The following ZFAT variants were observed in gnomAD, a reference collection of about 807,000 sequenced individuals.
ZFAT encodes zinc finger protein ZFAT.
In ZFAT, 64 loss-of-function variants were observed where a neutral mutation model predicts 117.7. That is an observed-to-expected ratio of 0.54 (90% CI 0.44 to 0.67). The LOEUF is 0.67. Ranked by LOEUF, ZFAT falls within the 30% of genes least tolerant of loss-of-function variation. The pLI is 0.00. For missense variants in ZFAT, 1,433 were observed against 1,584.5 expected (o/e 0.90, Z 1.62); for synonymous variants, 679 against 615.0 (o/e 1.10, Z -1.54).
chr8:134,514,556 G>A (rs1346535460), intron 13 of ZFAT, among the ~76,000 whole-genome samples: 1 of 152,132 alleles, frequency 6.6e-6, no homozygotes. Flanking sequence ...TTCTCTCAGT[G>A]CTTCTGAGCT....
intron 1 of ZFAT, among the ~76,000 whole-genome samples, chr8:134,669,893 A>C (rs1341637408): frequency 6.6e-6 from 1 of 152,220 alleles, no homozygotes; most frequent in Non-Finnish European, 1.5e-5. Context: ...GCTCAAAATA[A>C]AGGGATGGAG....
intron 11 of ZFAT, among the ~76,000 whole-genome samples, chr8:134,563,337 TG>T (rs1203216153): frequency 6.6e-6 from 1 of 152,198 alleles, no homozygotes; most frequent in Admixed American, 6.5e-5. Flanking sequence ...ACTGAGAACA[TG>T]TAGTGAGAAA....
At chr8:134,503,435 A>T (rs535247479) in intron 15 of ZFAT, among the ~76,000 whole-genome samples, 7 of 152,362 alleles carry the variant, frequency 4.6e-5, no homozygotes, top group African/African-American at 1.7e-4. Flanking sequence ...TTTTTCACTG[A>T]CAAAACAGAC....
chr8:134,613,142 C>T (rs964119629), intron 3 of ZFAT, among the ~76,000 whole-genome samples: 120 of 152,196 alleles, frequency 7.9e-4, no homozygotes, highest in African/African-American at 2.7e-3. Flanking sequence ...TTGCTTTATA[C>T]CGGAATTCAC....
At chr8:134,818,941 C>T in the ZFAT span, among the ~76,000 whole-genome samples, 1 of 152,126 alleles carries the variant, frequency 6.6e-6, no homozygotes, top group African/African-American at 2.4e-5. Flanking sequence ...TATCAAGGGA[C>T]ATCAGAAAAC....
At chr8:134,675,900 T>C (rs1190809970) in intron 1 of ZFAT, among the ~76,000 whole-genome samples, 1 of 151,830 alleles carries the variant, frequency 6.6e-6, no homozygotes, top group Non-Finnish European at 1.5e-5. Flanking sequence ...CACTGAGAGA[T>C]TTTTGTCACC....
At chr8:134,565,128 C>G in intron 11 of ZFAT, 1 of 1,519,518 alleles carries the variant, frequency 6.6e-7, no homozygotes, top group South Asian at 1.2e-5. Context: ...ACTTGGTTTC[C>G]AAATTACAGA....
the ZFAT span, among the ~76,000 whole-genome samples, chr8:134,757,265 C>T: frequency 2.6e-5 from 4 of 152,118 alleles, no homozygotes; most frequent in Non-Finnish European, 4.4e-5. Context: ...GATCCACCCA[C>T]CTCAGCCTCT....
the ZFAT span, among the ~76,000 whole-genome samples, chr8:134,752,431 T>C: frequency 0.71 from 108,008 of 152,114 alleles, 38,756 homozygotes; most frequent in Non-Finnish European, 0.75. Context: ...CTCTATTGAC[T>C]GTTATTGTTC....
At chr8:134,501,643 T>C (rs1489712697) in intron 15 of ZFAT, among the ~76,000 whole-genome samples, 1 of 151,800 alleles carries the variant, frequency 6.6e-6, no homozygotes, top group Non-Finnish European at 1.5e-5. Context: ...ACAGGCAAGA[T>C]GAAATGAAGT....
chr8:134,571,057 C>T (rs941869225), intron 10 of ZFAT, among the ~76,000 whole-genome samples: 1 of 152,196 alleles, frequency 6.6e-6, no homozygotes, highest in African/African-American at 2.4e-5. Flanking sequence ...CGAGCATTCA[C>T]GGAGGGGCTG....
intron 1 of ZFAT, among the ~76,000 whole-genome samples, chr8:134,705,182 C>T (rs1331068342): frequency 6.6e-6 from 1 of 151,924 alleles, no homozygotes; most frequent in Non-Finnish European, 1.5e-5. Context: ...AGACAATAAA[C>T]CCTATTTATG....
intron 1 of ZFAT, among the ~76,000 whole-genome samples, chr8:134,665,816 C>T (rs1586917620): frequency 6.6e-6 from 1 of 152,194 alleles, no homozygotes; most frequent in South Asian, 2.1e-4. Context: ...CCCTTCCCCA[C>T]TGGGGTCTCC....
At chr8:134,529,916 G>A (rs1386853224) in intron 12 of ZFAT, among the ~76,000 whole-genome samples, 5 of 152,186 alleles carry the variant, frequency 3.3e-5, no homozygotes, top group African/African-American at 1.2e-4. Context: ...GAATGCCATA[G>A]TACCTTCCCT....
intron 8 of ZFAT, among the ~76,000 whole-genome samples, chr8:134,590,016 A>G (rs550033727): frequency 3.9e-5 from 6 of 152,316 alleles, no homozygotes; most frequent in Non-Finnish European, 8.8e-5. Flanking sequence ...GTTCCCATTA[A>G]AAGGGGCAGA....
chr8:134,517,512 C>G (rs1312077669), intron 13 of ZFAT, among the ~76,000 whole-genome samples: 1 of 152,136 alleles, frequency 6.6e-6, no homozygotes, highest in African/African-American at 2.4e-5. Flanking sequence ...GACCCTTTAC[C>G]CAGCCTCCCC....
chr8:134,605,999 G>A (rs1020097497), intron 5 of ZFAT, among the ~76,000 whole-genome samples: 3 of 152,340 alleles, frequency 2.0e-5, no homozygotes, highest in African/African-American at 7.2e-5. Flanking sequence ...GACAGGGAAG[G>A]CCTCCCTGAG....
chr8:134,659,091 A>C (rs1831798668), intron 1 of ZFAT, among the ~76,000 whole-genome samples: 1 of 152,208 alleles, frequency 6.6e-6, no homozygotes, highest in Non-Finnish European at 1.5e-5. Context: ...AGTCACATGC[A>C]ACTTCTACGC....
the ZFAT span, among the ~76,000 whole-genome samples, chr8:134,772,839 T>A: frequency 6.6e-6 from 1 of 152,018 alleles, no homozygotes; most frequent in Non-Finnish European, 1.5e-5. Context: ...GATGGGAGGA[T>A]CACTTGAGGT....
Sources: gnomAD v4.1 joint callset for allele counts (sites outside exome capture counted in the v4.1 genomes callset) on GRCh38, gnomAD v4.1.1 for gene constraint, MANE v1.5 for transcripts, NCBI Gene and HGNC (gene_info 2026-07-23, HGNC 2026-07-21) for gene names.